The following PLXDC2 variants were observed in gnomAD, a reference collection of about 807,000 sequenced individuals.
PLXDC2 encodes plexin domain-containing protein 2.
PLXDC2 carries 40 observed loss-of-function variants against 68.9 expected under a neutral mutation model. The ratio of observed to expected loss-of-function variants is 0.58; its 90% CI spans 0.45 to 0.76. The LOEUF (loss-of-function observed/expected upper bound fraction) is 0.76. PLXDC2 is among the 30% of genes least tolerant of loss of function. The pLI is 0.00. For missense variants in PLXDC2, 644 were observed against 661.9 expected, an observed-to-expected ratio of 0.97 and a Z score of 0.30; for synonymous variants, 243 against 234.2, an observed-to-expected ratio of 1.04 and a Z score of -0.34.
intron 12 of PLXDC2, among the ~76,000 whole-genome samples, chr10:20,244,303 T>G (rs114108075): frequency 0.018 from 2,721 of 152,252 alleles, 87 homozygotes; most frequent in African/African-American, 0.061. Flanking sequence ...CTTTAGAGAT[T>G]AGTTGTATTT....
chr10:20,175,088 T>C (rs565338928), intron 7 of PLXDC2, among the ~76,000 whole-genome samples: 1 of 152,254 alleles, frequency 6.6e-6, no homozygotes, highest in African/African-American at 2.4e-5. Context: ...TTTGGATCTA[T>C]AGAGATTATA....
intron 1 of PLXDC2, among the ~76,000 whole-genome samples, chr10:19,852,475 A>G (rs1170820160): frequency 7.0e-6 from 1 of 143,474 alleles, no homozygotes; most frequent in Non-Finnish European, 1.5e-5. Context: ...AGTTTTCAAT[A>G]GGCTCCTTTG....
intron 1 of PLXDC2, among the ~76,000 whole-genome samples, chr10:19,991,807 G>A (rs1834755298): frequency 6.6e-6 from 1 of 152,084 alleles, no homozygotes; most frequent in Non-Finnish European, 1.5e-5. Flanking sequence ...CTCACACTGG[G>A]TACCATTAAA....
intron 1 of PLXDC2, among the ~76,000 whole-genome samples, chr10:19,930,635 A>G (rs960654401): frequency 6.6e-6 from 1 of 152,122 alleles, no homozygotes; most frequent in East Asian, 1.9e-4. Flanking sequence ...TAAACCACCT[A>G]AAACAGAGCC....
intron 1 of PLXDC2, among the ~76,000 whole-genome samples, chr10:19,830,540 C>G (rs1836668439): frequency 6.6e-6 from 1 of 152,122 alleles, no homozygotes; most frequent in African/African-American, 2.4e-5. Flanking sequence ...TATCTCTTTC[C>G]CCCATCCTTT....
intron 4 of PLXDC2, among the ~76,000 whole-genome samples, chr10:20,084,991 A>G (rs140112235): frequency 1.3e-5 from 2 of 152,002 alleles, no homozygotes; most frequent in African/African-American, 4.8e-5. Flanking sequence ...TGTCTTTCCT[A>G]TGCAATAAAT....
intron 4 of PLXDC2, among the ~76,000 whole-genome samples, chr10:20,070,449 A>C (rs1478662662): frequency 6.6e-6 from 1 of 152,188 alleles, no homozygotes; most frequent in African/African-American, 2.4e-5. Context: ...GTGAAACTTA[A>C]ATTTTGTGTG....
intron 1 of PLXDC2, among the ~76,000 whole-genome samples, chr10:19,969,332 C>A (rs1834312891): frequency 6.6e-6 from 1 of 152,162 alleles, no homozygotes; most frequent in African/African-American, 2.4e-5. Context: ...CCCACGAAAA[C>A]CAAACTGTGA....
chr10:19,978,427 T>C (rs1834495315), intron 1 of PLXDC2, among the ~76,000 whole-genome samples: 1 of 152,212 alleles, frequency 6.6e-6, no homozygotes, highest in Admixed American at 6.5e-5. Flanking sequence ...TCATTCATAC[T>C]TGATTCATAT....
intron 1 of PLXDC2, among the ~76,000 whole-genome samples, chr10:19,980,265 A>T (rs897219758): frequency 6.6e-6 from 1 of 152,218 alleles, no homozygotes; most frequent in Admixed American, 6.5e-5. Flanking sequence ...GTATACTGAC[A>T]GATTTTTGCA....
At chr10:20,109,497 ACATTAAGAACT>A (rs1833531178) in intron 4 of PLXDC2, among the ~76,000 whole-genome samples, 1 of 152,186 alleles carries the variant, frequency 6.6e-6, no homozygotes, top group African/African-American at 2.4e-5. Context: ...TACACTGAAA[ACATTAAGAACT>A]CATTATACCA....
In PLXDC2 at chr10:20,288,714, C is replaced by A. The variant is rs752784427; in HGVS notation, c.*8895C>A. The A allele has an allele frequency of 1.3e-5, 2 of 152,162 alleles. No homozygotes were observed. Among genetic ancestry groups the A allele is most frequent in the Non-Finnish European group, 2.9e-5 (2 of 68,022 alleles). 9.4% of individuals were successfully genotyped at this position (152,162 alleles called of 1,614,324 possible). The stretch of plus-strand genomic sequence containing the variant: ...AGTCATTAATGTTTTCTTCACACAG[C>A]TTCTTAAACCAAGTTTCTCTGCAGC... On this transcript the variant is annotated 3_prime_UTR_variant, in exon 14 of 14. Coordinates refer to ENST00000377252, the MANE Select transcript of PLXDC2 (RefSeq NM_032812.9).
intron 2 of PLXDC2, among the ~76,000 whole-genome samples, chr10:20,022,948 T>C (rs1419689623): frequency 6.6e-6 from 1 of 151,888 alleles, no homozygotes; most frequent in Non-Finnish European, 1.5e-5. Context: ...ATTATTTAAA[T>C]ATGTTCTACT....
chr10:20,198,248 T>G (rs1266018034), intron 9 of PLXDC2, among the ~76,000 whole-genome samples: 1 of 152,136 alleles, frequency 6.6e-6, no homozygotes, highest in African/African-American at 2.4e-5. Context: ...GGAAAGTAGT[T>G]TGTAGAAAGG....
chr10:20,226,696 T>C (rs1200641422), intron 12 of PLXDC2, among the ~76,000 whole-genome samples: 5 of 152,166 alleles, frequency 3.3e-5, no homozygotes, highest in African/African-American at 1.2e-4. Context: ...CGAGATGATA[T>C]AGCAGAGTGC....
intron 1 of PLXDC2, among the ~76,000 whole-genome samples, chr10:19,923,239 C>CA (rs1833489073): frequency 6.6e-6 from 1 of 152,082 alleles, no homozygotes; most frequent in Non-Finnish European, 1.5e-5. Context: ...CAATCCACCC[C>CA]AAAATATCAT....
intron 4 of PLXDC2, among the ~76,000 whole-genome samples, chr10:20,109,897 A>G (rs1833536651): frequency 6.6e-6 from 1 of 152,226 alleles, no homozygotes. Context: ...AAACGGAGGA[A>G]TAAATGAAAT....
At chr10:20,162,892 C>T (rs1223228364) in intron 6 of PLXDC2, among the ~76,000 whole-genome samples, 1 of 126,426 alleles carries the variant, frequency 7.9e-6, no homozygotes, top group Non-Finnish European at 1.6e-5. Context: ...GGTGAAACCC[C>T]ATCTCTACTA....
intron 10 of PLXDC2, among the ~76,000 whole-genome samples, chr10:20,214,959 G>C (rs1456119908): frequency 1.3e-5 from 2 of 152,136 alleles, no homozygotes; most frequent in Non-Finnish European, 2.9e-5. Flanking sequence ...TTTTGGGCCT[G>C]AAATCCAAAA....
Sources: allele counts gnomAD v4.1 joint callset (sites outside exome capture counted in the v4.1 genomes callset), GRCh38; gene constraint gnomAD v4.1.1; transcripts MANE v1.5; gene names NCBI Gene and HGNC (gene_info 2026-07-23, HGNC 2026-07-21).